Variants in ZNF667 observed in about 807,000 individuals in gnomAD.
ZNF667 encodes myocardial ischemic preconditioning upregulated 1 ortholog.
Under a neutral mutation model 31.8 loss-of-function variants are expected in ZNF667, and 13 were observed. That is an observed-to-expected ratio of 0.41 (90% CI 0.27 to 0.65). The LOEUF (loss-of-function observed/expected upper bound fraction) is 0.65, where lower values mean the gene tolerates loss of function less well. Among genes scored for constraint, ZNF667 ranks in the 30% least tolerant of loss-of-function variants. The pLI, the probability that ZNF667 is intolerant of heterozygous loss-of-function variation, is 0.32. For synonymous variants in ZNF667, 228 were observed against 247.1 expected (o/e 0.92, Z 0.73); for missense variants, 642 against 725.6 (o/e 0.88, Z 1.32).
rs147916280 is a variant in ZNF667, at chr19:56,471,405, C to A, written c.-60+294G>T. Among the ~76,000 whole-genome samples the A allele has an allele frequency of 4.6e-3, 694 of 152,318 alleles. 2 individuals are homozygous for A. Among genetic ancestry groups the A allele is most frequent in the Middle Eastern group, 0.01 (3 of 294 alleles). On this transcript the variant is annotated intron_variant, in intron 3 of 6. Transcript: ENST00000504904. ...GTTGTAAGCTATTGAACTGATGTCACCTGGCATGGGGCTGAATGGCTTGGG... is the reference window on the plus strand; with the variant it reads ...GTTGTAAGCTATTGAACTGATGTCAACTGGCATGGGGCTGAATGGCTTGGG...
upstream of ZNF667, chr19:56,478,087 T>C (rs1056894547): frequency 6.6e-6 from 1 of 152,314 alleles, no homozygotes; most frequent in African/African-American, 2.4e-5. Context: ...GGACTACATT[T>C]CCCAACGGCC....
At position 56,441,135 on chromosome 19, in the gene ZNF667, C is replaced by G. The variant is rs541108995; in HGVS notation, c.*27G>C. The G allele has an allele frequency of 6.4e-7, 1 of 1,569,126 alleles. No homozygotes were observed. Among genetic ancestry groups the G allele is most frequent in the African/African-American group, 1.4e-5 (1 of 73,300 alleles). On this transcript the variant is annotated 3_prime_UTR_variant, in exon 7 of 7. Coordinates refer to ENST00000504904, the MANE Select transcript of ZNF667 (RefSeq NM_001321356.2). This position sits in a 1 kb window ranked among gnomAD's most constrained non-coding sequence, Gnocchi z 4.2. ...TTGCCATATGTTTGATAGCCTCATT[C>G]GTTGATTTTATAGATTTAAAACAAC...
chr19:56,440,584 G>T lies in ZNF667; in HGVS notation c.*578C>A. 1 of 980,250 alleles carries T rather than the reference G, an allele frequency of 1.0e-6. No individual in the cohort carries two copies. The allele number at this position is 980,250 out of a possible 1,614,324, so 60.7% of individuals were successfully genotyped here. ...ATAATGGACTTCACAATTCTATTTT[G>T]TTGTATGTGACCAATAAATTATCTT... is the stretch of plus-strand genomic sequence containing the variant. On this transcript the variant is annotated 3_prime_UTR_variant, in exon 7 of 7. Transcript: ENST00000504904.
At chr19:56,460,510 T>C (rs1326109666) in intron 5 of ZNF667, among the ~76,000 whole-genome samples, 179 bp downstream of exon 5, 1 of 152,180 alleles carries the variant, frequency 6.6e-6, no homozygotes, top group Non-Finnish European at 1.5e-5. Flanking sequence ...GAATACACTA[T>C]TATAAAAACC....
chr19:56,469,627 C>T (rs2043243114), intron 3 of ZNF667, among the ~76,000 whole-genome samples: 1 of 152,224 alleles, frequency 6.6e-6, no homozygotes, highest in African/African-American at 2.4e-5. Flanking sequence ...CTCAGCAAGC[C>T]TCACTAACCA....
upstream of ZNF667, chr19:56,477,379 C>A (rs913419311): frequency 6.6e-6 from 1 of 151,888 alleles, no homozygotes; most frequent in African/African-American, 2.4e-5. Context: ...CGCTGCACCC[C>A]CCTTCACACA....
At chr19:56,458,316 C>A in intron 5 of ZNF667, 69 bp from the exon 6 acceptor site, 1 of 1,363,248 alleles carries the variant, frequency 7.3e-7, no homozygotes. Flanking sequence ...CCACGCTCTG[C>A]ATCAACAGGA....
intron 6 of ZNF667, among the ~76,000 whole-genome samples, chr19:56,447,947 G>T (rs2042739438): frequency 1.3e-5 from 2 of 152,146 alleles, no homozygotes; most frequent in Admixed American, 1.3e-4. Flanking sequence ...GAGCCCTCCA[G>T]CGATTGCCCC....
chr19:56,458,098 TTC>T (rs2042970658), intron 6 of ZNF667, 55 bp downstream of exon 6: 2 of 1,465,998 alleles, frequency 1.4e-6, no homozygotes, highest in African/African-American at 2.8e-5. Context: ...ATATATGGCA[TTC>T]TGTTATAGCA....
chr19:56,444,319 T>C (rs1046089773), intron 6 of ZNF667: 9 of 398,084 alleles, frequency 2.3e-5, no homozygotes, highest in African/African-American at 1.9e-4. Context: ...AGAAGGCACA[T>C]CACATGGTGA....
intron 3 of ZNF667, among the ~76,000 whole-genome samples, chr19:56,465,282 G>C (rs1313389294): frequency 6.6e-6 from 1 of 152,242 alleles, no homozygotes; most frequent in Non-Finnish European, 1.5e-5. Context: ...CGTCCCCGTA[G>C]GGGTGGAGGT....
chr19:56,445,958 G>A (rs1384803757), intron 6 of ZNF667, among the ~76,000 whole-genome samples: 1 of 143,000 alleles, frequency 7.0e-6, no homozygotes, highest in Non-Finnish European at 1.5e-5. Flanking sequence ...CCACCCCCAT[G>A]ATCCAATCAC....
At position 56,442,468 on chromosome 19, in the gene ZNF667, T is replaced by C. The variant is rs147969495; in HGVS notation, c.527A>G (p.Asn176Ser). 1 of 1,613,868 alleles carries C rather than the reference T, an allele frequency of 6.2e-7. No individual in the cohort carries two copies. The highest frequency in any genetic ancestry group is 1.7e-5 in the Admixed American group (1 of 59,982). ...GATCTGTCTGAAAGCTTTTCTACAA[T>C]TACTGCATTCAAAAGGCTTCTCTCC... ...HTGEKPFECS[N>S]CRKAFRQISS... Residue 176 changes from asparagine to serine, a missense_variant, in exon 7 of 7, where the codon AAT becomes AGT. Transcript: ENST00000504904.
chr19:56,459,204 G>A (rs1295427195), intron 5 of ZNF667, among the ~76,000 whole-genome samples: 2 of 152,180 alleles, frequency 1.3e-5, no homozygotes, highest in African/African-American at 4.8e-5. Flanking sequence ...CTAAATTATA[G>A]CCAGTAGAGT....
intron 6 of ZNF667, among the ~76,000 whole-genome samples, chr19:56,448,062 C>A (rs1244829814): frequency 1.3e-5 from 2 of 152,052 alleles, no homozygotes; most frequent in African/African-American, 4.8e-5. Context: ...ACATCGTATT[C>A]AAAGAAAGAG....
intron 6 of ZNF667, among the ~76,000 whole-genome samples, chr19:56,451,006 T>C (rs75307485): frequency 0.015 from 2,290 of 152,220 alleles, 69 homozygotes; most frequent in African/African-American, 0.053. Context: ...TAAATGTACA[T>C]GGACTAAATC....
intron 5 of ZNF667, 66 bp from the exon 6 acceptor site, chr19:56,458,313 C>T: frequency 7.1e-7 from 1 of 1,408,694 alleles, no homozygotes; most frequent in Non-Finnish European, 1.0e-6. Context: ...GAGCCACGCT[C>T]TGCATCAACA....
chr19:56,456,650 A>G (rs1214450724), intron 6 of ZNF667, among the ~76,000 whole-genome samples: 1 of 152,196 alleles, frequency 6.6e-6, no homozygotes. Context: ...GCTGATGTTA[A>G]TAATAATAAA....
chr19:56,476,916 C>A, intron 1 of ZNF667: 1 of 153,288 alleles, frequency 6.5e-6, no homozygotes. Context: ...CACCCACTCC[C>A]GGCTTCCCAA....
Sources: allele counts gnomAD v4.1 joint callset (sites outside exome capture counted in the v4.1 genomes callset), GRCh38; gene constraint gnomAD v4.1.1; non-coding constraint Gnocchi (gnomAD v3.1); transcripts MANE v1.5; gene names NCBI Gene and HGNC (gene_info 2026-07-23, HGNC 2026-07-21).